The following BDKRB2 variants were observed in gnomAD, a reference collection of about 807,000 sequenced individuals.
BDKRB2 encodes bradykinin receptor B2.
In BDKRB2, 6 loss-of-function variants were observed where a neutral mutation model predicts 4.0. That is an observed-to-expected ratio of 1.49 (90% CI 0.81 to 2.93). The LOEUF (loss-of-function observed/expected upper bound fraction) is 2.93. BDKRB2 is among the 30% of genes most tolerant of loss of function. BDKRB2 has a pLI of 0.00. For missense variants in BDKRB2, 478 were observed against 520.1 expected (o/e 0.92, Z 0.79); for synonymous variants, 225 against 215.3 (o/e 1.05, Z -0.40).
At chr14:96,232,230 T>C (rs774924540) in intron 1 of BDKRB2, among the ~76,000 whole-genome samples, 8 of 152,120 alleles carry the variant, frequency 5.3e-5, no homozygotes, top group Non-Finnish European at 1.0e-4. Context: ...CACAGCACCC[T>C]AGGAGATGGG....
chr14:96,227,107 C>T (rs1182091358), intron 1 of BDKRB2, among the ~76,000 whole-genome samples: 1 of 152,184 alleles, frequency 6.6e-6, no homozygotes. Flanking sequence ...CCTCTCGAGG[C>T]CTCAGTTTTC....
chr14:96,229,412 C>T (rs1012253777), intron 1 of BDKRB2, among the ~76,000 whole-genome samples: 4 of 152,076 alleles, frequency 2.6e-5, no homozygotes, highest in Non-Finnish European at 5.9e-5. Context: ...AGCCTTGGAC[C>T]GAAGCTCCTG....
chr14:96,235,020 T>C (rs940723741), intron 1 of BDKRB2, among the ~76,000 whole-genome samples: 4 of 152,174 alleles, frequency 2.6e-5, no homozygotes, highest in African/African-American at 9.7e-5. Context: ...CAGCAAATGA[T>C]AGACCGTCAA....
In BDKRB2 at chr14:96,241,579, T is replaced by C. The variant is rs566436626; in HGVS notation, c.*75T>C. 2 of 1,482,068 alleles carry C rather than the reference T, an allele frequency of 1.3e-6. No homozygotes were observed. Among genetic ancestry groups the C allele is most frequent in the African/African-American group, 2.8e-5 (2 of 71,422 alleles). The allele number at this position is 1,482,068 out of a possible 1,614,324, so 91.8% of individuals were successfully genotyped here. On this transcript the variant is annotated 3_prime_UTR_variant, in exon 3 of 3. Coordinates refer to ENST00000554311, the MANE Select transcript of BDKRB2 (RefSeq NM_001379692.1). ...TTGCTTTTCAGCATGGGCCCAGGAA[T>C]GCCAAGGAGACATCTATGCACGACC...
chr14:96,208,298 A>G (rs1304739693), intron 1 of BDKRB2, among the ~76,000 whole-genome samples: 1 of 152,072 alleles, frequency 6.6e-6, no homozygotes, highest in Non-Finnish European at 1.5e-5. Context: ...TATTTCTTTG[A>G]CTCTTTCATC....
rs1459808454 is a variant in BDKRB2 at position 96,223,322 on chromosome 14, C to A, written c.-39-13747C>A. On this transcript the variant is annotated intron_variant, in intron 1 of 2. Transcript: ENST00000554311. ...CCTCACATCTTGCTGTTCCGGCGCCCACCACCCAAGAAGCCAAAGAAATGA... is the reference window on the plus strand; with the variant it reads ...CCTCACATCTTGCTGTTCCGGCGCCAACCACCCAAGAAGCCAAAGAAATGA... 38 of 1,055,220 alleles carry A rather than the reference C, an allele frequency of 3.6e-5. 1 individual carries two copies. Among genetic ancestry groups the A allele is most frequent in the Non-Finnish European group, 5.5e-5 (37 of 672,120 alleles). The allele number at this position is 1,055,220 out of a possible 1,614,324, so 65.4% of individuals were successfully genotyped here. A position where few individuals can be genotyped will look rare whatever the true frequency, so the allele number is the denominator to read the frequency against.
chr14:96,221,319 C>G (rs1213256298), intron 1 of BDKRB2, among the ~76,000 whole-genome samples: 1 of 152,134 alleles, frequency 6.6e-6, no homozygotes, highest in African/African-American at 2.4e-5. Flanking sequence ...GCAATGTAAA[C>G]AGGGAAATGC....
chr14:96,225,675 C>T (rs560266331), intron 1 of BDKRB2, among the ~76,000 whole-genome samples: 1 of 152,276 alleles, frequency 6.6e-6, no homozygotes, highest in African/African-American at 2.4e-5. Context: ...CTCCACCTGT[C>T]CCAGCTCAGT....
intron 1 of BDKRB2, among the ~76,000 whole-genome samples, chr14:96,216,630 G>A (rs1890421852): frequency 2.0e-5 from 3 of 146,620 alleles, no homozygotes; most frequent in Non-Finnish European, 4.5e-5. Context: ...TTCAACAAAA[G>A]AAAAAGAAGA....
intron 1 of BDKRB2, among the ~76,000 whole-genome samples, chr14:96,205,201 A>G (rs186064088): frequency 2.4e-3 from 370 of 152,278 alleles, no homozygotes; most frequent in African/African-American, 8.4e-3. Flanking sequence ...AATCAAGGTG[A>G]CAGACAGGCT....
chr14:96,226,189 C>G (rs1890692585), intron 1 of BDKRB2, among the ~76,000 whole-genome samples: 1 of 152,164 alleles, frequency 6.6e-6, no homozygotes, highest in Non-Finnish European at 1.5e-5. Context: ...ACATCATGAC[C>G]ACCATGCAAA....
intron 1 of BDKRB2, among the ~76,000 whole-genome samples, chr14:96,206,429 A>G (rs570043496): frequency 9.0e-4 from 137 of 152,206 alleles, no homozygotes; most frequent in African/African-American, 3.1e-3. Context: ...AAATGCCTCA[A>G]TCTCTTTGGG....
At chr14:96,240,238 G>A (rs1885237460) in intron 2 of BDKRB2, 165 bp from the exon 3 acceptor site, 1 of 1,320,278 alleles carries the variant, frequency 7.6e-7, no homozygotes, top group African/African-American at 1.5e-5. Flanking sequence ...AAGACCCAGG[G>A]GAGTCAGGTG....
At chr14:96,231,921 G>T (rs993394214) in intron 1 of BDKRB2, among the ~76,000 whole-genome samples, 1 of 152,168 alleles carries the variant, frequency 6.6e-6, no homozygotes, top group African/African-American at 2.4e-5. Flanking sequence ...GAGAACAGCC[G>T]CCCTCTGACT....
At position 96,208,017 on chromosome 14, in the gene BDKRB2, C is replaced by A. The variant is rs552542065; in HGVS notation, c.-40+3058C>A. On this transcript the variant is annotated intron_variant, in intron 1 of 2. Coordinates refer to ENST00000554311, the MANE Select transcript of BDKRB2 (RefSeq NM_001379692.1). ...TACTTTGCGAGGCAGCGCATTCCAT[C>A]TTAGGAGAGTTCTACTGTTTAAAAG... is the stretch of plus-strand genomic sequence containing the variant. Among the ~76,000 whole-genome samples the A allele has an allele frequency of 5.3e-5, 8 of 152,294 alleles. No individual in the cohort carries two copies. In the South Asian group the frequency reaches 1.2e-3, roughly 24 times the overall value.
chr14:96,223,818 T>TA (rs749692153), intron 1 of BDKRB2, among the ~76,000 whole-genome samples: 3,344 of 141,746 alleles, frequency 0.024, 103 homozygotes, highest in African/African-American at 0.067. Context: ...TTTTATAATC[T>TA]AAAAAAAAAA....
At chr14:96,236,783 C>A (rs1040582428) in intron 1 of BDKRB2, among the ~76,000 whole-genome samples, 2 of 152,206 alleles carry the variant, frequency 1.3e-5, no homozygotes, top group African/African-American at 4.8e-5. Context: ...CCCTCACAGG[C>A]GCGTTTGGGA....
At chr14:96,225,125 A>G (rs1177443382) in intron 1 of BDKRB2, among the ~76,000 whole-genome samples, 1 of 152,092 alleles carries the variant, frequency 6.6e-6, no homozygotes, top group East Asian at 1.9e-4. Flanking sequence ...TGCTGATCCC[A>G]TTGCCTCTGC....
chr14:96,222,017 G>A (rs1890576577), intron 1 of BDKRB2, among the ~76,000 whole-genome samples: 1 of 152,110 alleles, frequency 6.6e-6, no homozygotes, highest in South Asian at 2.1e-4. Flanking sequence ...CGCCACTTCA[G>A]AACCCATCGC....
Sources: gnomAD v4.1 joint callset for allele counts (sites outside exome capture counted in the v4.1 genomes callset) on GRCh38, gnomAD v4.1.1 for gene constraint, MANE v1.5 for transcripts, NCBI Gene and HGNC (gene_info 2026-07-23, HGNC 2026-07-21) for gene names.